ZNF451: variants seen among roughly 807,000 people sequenced by gnomAD.
The protein encoded by ZNF451 is E3 SUMO-protein ligase ZNF451.
Under a neutral mutation model 107.1 loss-of-function variants are expected in ZNF451, and 80 were observed. The ratio of observed to expected loss-of-function variants is 0.75; its 90% CI spans 0.62 to 0.90. ZNF451 has a LOEUF of 0.90. ZNF451 is among the 40% of genes least tolerant of loss of function. The pLI is 0.00. For synonymous variants in ZNF451, 362 were observed against 406.5 expected (o/e 0.89, Z 1.32); for missense variants, 1,107 against 1,236.2 (o/e 0.90, Z 1.57).
At chr6:57,135,660 ATT>A (rs1346807691) in intron 7 of ZNF451, among the ~76,000 whole-genome samples, 1 of 152,150 alleles carries the variant, frequency 6.6e-6, no homozygotes, top group Non-Finnish European at 1.5e-5. Context: ...CAATGCATAC[ATT>A]TCTACATTTT....
chr6:57,092,807 A>T (rs994017211), intron 2 of ZNF451: 1 of 152,182 alleles, frequency 6.6e-6, no homozygotes, highest in Non-Finnish European at 1.5e-5. Context: ...CCCAGGAGTT[A>T]TTCTGTGATT....
intron 2 of ZNF451, among the ~76,000 whole-genome samples, chr6:57,096,041 C>G (rs1829287756): frequency 6.6e-6 from 1 of 151,856 alleles, no homozygotes. Flanking sequence ...CCCAGATGGT[C>G]TCGAACTCAT....
chr6:57,126,753 T>A (rs953165105), intron 4 of ZNF451, among the ~76,000 whole-genome samples: 1 of 152,212 alleles, frequency 6.6e-6, no homozygotes, highest in Non-Finnish European at 1.5e-5. Context: ...AAACCCCGTC[T>A]GTACTAAAAA....
chr6:57,090,761 C>T (rs1289396636), intron 1 of ZNF451, 50 bp from the exon 2 acceptor site: 2 of 55,466 alleles, frequency 3.6e-5, no homozygotes, highest in Non-Finnish European at 6.0e-5. Context: ...CGCTCTCTTC[C>T]TACACGAATG....
At chr6:57,119,094 C>T (rs1830508968) in intron 3 of ZNF451, among the ~76,000 whole-genome samples, 2 of 152,254 alleles carry the variant, frequency 1.3e-5, no homozygotes, top group Non-Finnish European at 2.9e-5. Context: ...TTCTTTCTAC[C>T]TCTAGAAAGA....
At chr6:57,128,166 ATACT>A (rs761875711) in intron 4 of ZNF451, among the ~76,000 whole-genome samples, 71 of 152,336 alleles carry the variant, frequency 4.7e-4, no homozygotes, top group African/African-American at 1.0e-3. Flanking sequence ...CAGTGAACAA[ATACT>A]TACTAGGCTC....
chr6:57,124,886 A>T, intron 4 of ZNF451, 27 bp downstream of exon 4: 7 of 1,348,844 alleles, frequency 5.2e-6, no homozygotes, highest in Non-Finnish European at 6.8e-6. Context: ...TTGGTATTTT[A>T]TATAATTAAA....
chr6:57,106,796 A>G (rs1449614343), intron 3 of ZNF451: 1 of 985,230 alleles, frequency 1.0e-6, no homozygotes, highest in East Asian at 1.1e-4. Context: ...TGTGTGGTTT[A>G]TCATAGTAGA....
At position 57,133,150 on chromosome 6, in the gene ZNF451, A is replaced by G. The variant is rs769134947; in HGVS notation, c.533A>G (p.Lys178Arg). 7 of 1,614,052 alleles carry G rather than the reference A, an allele frequency of 4.3e-6. No individual in the cohort carries two copies. The highest frequency in any genetic ancestry group is 4.0e-5 in the African/African-American group (3 of 74,952). Reference sequence around the variant, plus strand: ...TTATGTCCTATAATGCACTGTAACAAGGAGTTTGACAATGGGCACCTTCTC... The same window carrying G: ...TTATGTCCTATAATGCACTGTAACAGGGAGTTTGACAATGGGCACCTTCTC... ...PILCPIMHCNKEFDNGHLLLG... is the reference protein window; with the variant it reads ...PILCPIMHCNREFDNGHLLLG... The change falls in exon 6 of 15, where the codon AAG becomes AGG. Residue 178 changes from lysine to arginine, a missense_variant. By Grantham distance (26) the Lys-to-Arg change is conservative (BLOSUM62 2). Transcript: ENST00000370706.
intron 5 of ZNF451, among the ~76,000 whole-genome samples, chr6:57,132,358 C>A (rs1831219492): frequency 6.6e-6 from 1 of 152,156 alleles, no homozygotes; most frequent in African/African-American, 2.4e-5. Flanking sequence ...TCATAGAGCT[C>A]AGACCCTCTA....
intron 11 of ZNF451, chr6:57,151,371 TA>T (rs59458185): frequency 0.036 from 2,810 of 79,092 alleles, 65 homozygotes; most frequent in African/African-American, 0.094. Flanking sequence ...GACTCTGTCT[TA>T]AAAAAAAAAA....
intron 3 of ZNF451, chr6:57,100,966 T>C: frequency 6.4e-7 from 1 of 1,551,108 alleles, no homozygotes; most frequent in Non-Finnish European, 8.7e-7. Context: ...TGCCATCCTC[T>C]ATCTCCAGAC....
intron 3 of ZNF451, chr6:57,116,922 C>G (rs1330993847): frequency 1.3e-5 from 2 of 148,944 alleles, no homozygotes; most frequent in Non-Finnish European, 3.0e-5. Context: ...GACCTTATCT[C>G]TAAAGGAAAA....
At position 57,168,023 on chromosome 6, in the gene ZNF451, G is replaced by C. The variant is rs1003412139; in HGVS notation, c.3140-400G>C. Among the ~76,000 whole-genome samples, 4 of 152,162 alleles carry C rather than the reference G, an allele frequency of 2.6e-5. No individual in the cohort carries two copies. In the South Asian group the frequency reaches 8.3e-4, roughly 32 times the overall value. The stretch of plus-strand genomic sequence containing the variant: ...AATTAAACTAAATTTTTAATGGCCT[G>C]TGACATTTTGTCATTTCATGGAGTT... On this transcript the variant is annotated intron_variant, in intron 14 of 14. Coordinates refer to ENST00000370706, the MANE Select transcript of ZNF451 (RefSeq NM_001031623.3).
At chr6:57,144,198 G>A (rs915978992) in intron 9 of ZNF451, among the ~76,000 whole-genome samples, 6 of 150,374 alleles carry the variant, frequency 4.0e-5, no homozygotes, top group African/African-American at 1.5e-4. Context: ...ACCCTAAATG[G>A]ATGAATTATA....
chr6:57,132,939 A>G (rs1038924107), intron 5 of ZNF451, 103 bp from the exon 6 acceptor site: 11 of 1,142,258 alleles, frequency 9.6e-6, no homozygotes, highest in African/African-American at 1.6e-5. Flanking sequence ...CATCCAGTTG[A>G]TGCTATGTCA....
chr6:57,138,043 C>G (rs966059119), intron 7 of ZNF451, among the ~76,000 whole-genome samples: 6 of 152,164 alleles, frequency 3.9e-5, no homozygotes, highest in African/African-American at 1.4e-4. Context: ...TTGGCTGTTA[C>G]GAACAATGCT....
chr6:57,155,095 C>T (rs1253347560), intron 13 of ZNF451, among the ~76,000 whole-genome samples: 3 of 152,004 alleles, frequency 2.0e-5, no homozygotes, highest in Non-Finnish European at 2.9e-5. Context: ...TTATGTCATG[C>T]CTTAGTTCTG....
At chr6:57,132,656 T>C (rs1478740339) in intron 5 of ZNF451, among the ~76,000 whole-genome samples, 2 of 152,086 alleles carry the variant, frequency 1.3e-5, no homozygotes, top group Non-Finnish European at 2.9e-5. Flanking sequence ...GCATTTGGTC[T>C]TTAACATTTT....
Sources: gnomAD v4.1 joint callset for allele counts (sites outside exome capture counted in the v4.1 genomes callset) on GRCh38, gnomAD v4.1.1 for gene constraint, MANE v1.5 for transcripts, NCBI Gene and HGNC (gene_info 2026-07-23, HGNC 2026-07-21) for gene names.